Variants in NOTCH1 observed in about 807,000 individuals in gnomAD.
NOTCH1 encodes neurogenic locus notch homolog protein 1.
Under a neutral mutation model 254.8 loss-of-function variants are expected in NOTCH1, and 37 were observed. The observed-to-expected ratio is 0.15, with a 90% CI of 0.11 to 0.19. The LOEUF (loss-of-function observed/expected upper bound fraction) is 0.19, where lower values mean the gene tolerates loss of function less well. NOTCH1 is among the 10% of genes least tolerant of loss of function. The probability of loss-of-function intolerance (pLI) is 1.00; values close to 1 mark genes in which losing one functional copy is unlikely to be tolerated. For missense variants in NOTCH1, 2,972 were observed against 3,708.6 expected, an observed-to-expected ratio of 0.80 and a Z score of 5.16; for synonymous variants, 1,731 against 1,618.1, an observed-to-expected ratio of 1.07 and a Z score of -1.68.
rs1589059784 is a variant in NOTCH1, at chr9:136,506,791, A to G, written c.3826T>C (p.Cys1276Arg). Reference sequence around the variant, plus strand: ...CAGTTCTGGGTGCCACGGGCGTCGCAGGGATTGGACAGGCACTCGTTGACA... The same window carrying G: ...CAGTTCTGGGTGCCACGGGCGTCGCGGGGATTGGACAGGCACTCGTTGACA... ...GDVNECLSNP[C>R]DARGTQNCVQ... The change falls in exon 23 of 34, where the codon TGC (cysteine) becomes CGC (arginine). Residue 1276 changes from cysteine to arginine, a missense_variant. Cys to Arg is a radical substitution (Grantham distance 180, BLOSUM62 -3). Around this residue, in one of 8 missense-constraint regions of NOTCH1, gnomAD observed 1,343 missense variants for 1,557.0 expected, o/e 0.86. Transcript: ENST00000651671. This position sits in a 1 kb window ranked among gnomAD's most constrained non-coding sequence, Gnocchi z 4.5. The G allele has an allele frequency of 6.2e-7, 1 of 1,611,276 alleles. No homozygotes were observed. Among genetic ancestry groups the G allele is most frequent in the Non-Finnish European group, 8.5e-7 (1 of 1,179,284 alleles).
chr9:136,519,342 C>T lies in NOTCH1; in HGVS notation c.865+101G>A, dbSNP rs1350629353. The T allele has an allele frequency of 9.1e-6, 14 of 1,532,842 alleles. No homozygotes were observed. In the African/African-American group the frequency reaches 1.8e-4, roughly 19 times the overall value. 95.0% of individuals were successfully genotyped at this position (1,532,842 alleles called of 1,614,324 possible). A position where few individuals can be genotyped will look rare whatever the true frequency, so the allele number is the denominator to read the frequency against. On this transcript the variant is annotated intron_variant, in intron 5 of 33. Coordinates refer to ENST00000651671, the MANE Select transcript of NOTCH1 (RefSeq NM_017617.5). ...CAACCCTAGTCTGCCTGGCCTGGGA[C>T]AGGGTCTCGGCTGCTCCCCGCTATG...
chr9:136,502,519 C>T (rs374937918), intron 27 of NOTCH1, 31 bp from the exon 28 acceptor site: 240 of 1,437,582 alleles, frequency 1.7e-4, no homozygotes, highest in Non-Finnish European at 2.1e-4. Flanking sequence ...GGCAGGTGCC[C>T]GGACATCAGG....
At chr9:136,537,672 T>C (rs1173499407) in intron 2 of NOTCH1, among the ~76,000 whole-genome samples, 1 of 152,230 alleles carries the variant, frequency 6.6e-6, no homozygotes, top group Non-Finnish European at 1.5e-5. Context: ...GGTGCACACC[T>C]GTGGTCCCAG....
rs556900018 is a variant in NOTCH1 at position 136,494,632 on chromosome 9, G to A, written c.*1439C>T. The A allele has an allele frequency of 2.5e-5, 10 of 398,836 alleles. No individual in the cohort carries two copies. Among genetic ancestry groups the A allele is most frequent in the South Asian group, 1.3e-4 (1 of 7,856 alleles). 24.7% of individuals were successfully genotyped at this position (398,836 alleles called of 1,614,324 possible). On this transcript the variant is annotated 3_prime_UTR_variant, in exon 34 of 34. Coordinates refer to ENST00000651671, the MANE Select transcript of NOTCH1 (RefSeq NM_017617.5). ...ATGCCCCCTGGGGATGGCACCACGC[G>A]GCCCCCGTAGAGCCGGGGGAGGCTG...
chr9:136,499,577 T>C (rs1273882794), intron 31 of NOTCH1, among the ~76,000 whole-genome samples: 2 of 152,226 alleles, frequency 1.3e-5, no homozygotes, highest in African/African-American at 2.4e-5. Flanking sequence ...GTCAAGTCCC[T>C]GCCCCCAACG....
chr9:136,545,710 G>T lies in NOTCH1; in HGVS notation c.61+16C>A. On this transcript the variant is annotated intron_variant, in intron 1 of 33. Coordinates refer to ENST00000651671, the MANE Select transcript of NOTCH1 (RefSeq NM_017617.5). This position sits in a 1 kb window ranked among gnomAD's most constrained non-coding sequence, Gnocchi z 6.8. ...GGGCGCGGAAAGTGGGGGCTCGCGG[G>T]TGGGTGGGCGCCTACCTCGTGCGGC... 1.4e-6 allele frequency: 2 copies of T among 1,440,610 alleles called. No individual in the cohort carries two copies. Among genetic ancestry groups the T allele is most frequent in the Non-Finnish European group, 1.8e-6 (2 of 1,102,368 alleles). The allele number at this position is 1,440,610 out of a possible 1,614,324, so 89.2% of individuals were successfully genotyped here.
At chr9:136,524,765 G>A (rs970542918) in intron 2 of NOTCH1, among the ~76,000 whole-genome samples, 1 of 151,384 alleles carries the variant, frequency 6.6e-6, no homozygotes, top group African/African-American at 2.4e-5. Flanking sequence ...AGCCTCCCGA[G>A]TAGCTGGGAC....
intron 2 of NOTCH1, among the ~76,000 whole-genome samples, chr9:136,527,286 T>C (rs977289921): frequency 6.6e-6 from 1 of 152,226 alleles, no homozygotes; most frequent in Non-Finnish European, 1.5e-5. Flanking sequence ...GCCTGCAGCA[T>C]GGCCATGGCC....
chr9:136,527,587 A>G (rs907698113), intron 2 of NOTCH1, among the ~76,000 whole-genome samples: 1 of 152,242 alleles, frequency 6.6e-6, no homozygotes, highest in African/African-American at 2.4e-5. Flanking sequence ...TGAGATAGGG[A>G]ACGCCAGTCT....
At chr9:136,502,138 C>T (rs766815215) in intron 28 of NOTCH1, 50 bp from the exon 29 acceptor site, 1 of 1,605,594 alleles carries the variant, frequency 6.2e-7, no homozygotes, top group Non-Finnish European at 8.5e-7. Flanking sequence ...CCCTAGGAAG[C>T]CCCCAGAGAC....
rs752861485 is a variant in NOTCH1 at position 136,504,915 on chromosome 9, G to A, written c.4776C>T (p.Phe1592=). ...GCAGCACGCGGCTGAGCTCCCGCAG[G>A]AAGTGGAAGGAGCTGTTGCGCAGCT... ...PEQLRNSSFH[F]LRELSRVLHT... Residue 1592 remains phenylalanine, a synonymous_variant, in exon 26 of 34, where the codon TTC becomes TTT. Transcript: ENST00000651671. 8.2e-6 allele frequency: 13 copies of A among 1,587,862 alleles called. No homozygotes were observed. In the East Asian group the frequency reaches 9.2e-5, roughly 11 times the overall value.
Position 136,502,106 on chromosome 9 carries a change from G to A in NOTCH1, c.5385-18C>T, listed in dbSNP as rs370602147. 95 of 1,612,358 alleles carry A rather than the reference G, an allele frequency of 5.9e-5. No individual in the cohort carries two copies. The East Asian group carries it at 1.3e-3, about 22-fold the overall frequency. The stretch of plus-strand genomic sequence containing the variant: ...TCAGGGGCCTGGGGGGTGAGGGGTC[G>A]AGAAGTGAGGCTGAGCGAGCTCCCT... On this transcript the variant is annotated intron_variant, in intron 28 of 33. Coordinates refer to ENST00000651671, the MANE Select transcript of NOTCH1 (RefSeq NM_017617.5).
intron 2 of NOTCH1, among the ~76,000 whole-genome samples, chr9:136,525,257 CA>C (rs1843440937): frequency 6.6e-6 from 1 of 152,164 alleles, no homozygotes; most frequent in Non-Finnish European, 1.5e-5. Flanking sequence ...CAAGGGGAGC[CA>C]GGGGAGGGGT....
intron 2 of NOTCH1, among the ~76,000 whole-genome samples, chr9:136,524,539 C>G (rs1188312825): frequency 6.6e-6 from 1 of 152,050 alleles, no homozygotes; most frequent in Non-Finnish European, 1.5e-5. Flanking sequence ...TGGGCAGTAA[C>G]AAAGGCCGTG....
rs1218875928 is a variant in NOTCH1 at position 136,509,916 on chromosome 9, G to T, written c.2786C>A (p.Ala929Asp). ...GAAGCCGGGCAGGCAGTCGCAGAAG[G>T]CCGTGTTGATGCCGTCTGTGCAGGA... is the stretch of plus-strand genomic sequence containing the variant. ...GGSCTDGINT[A>D]FCDCLPGFRG... Residue 929 changes from alanine (A) to aspartate (D), a missense_variant, in exon 18 of 34, where the codon GCC becomes GAC. By Grantham distance (126) the Ala-to-Asp change is moderately radical. This residue lies in a region of NOTCH1 where 1,343 missense variants were observed against 1,557.0 expected (regional missense o/e 0.86). Transcript: ENST00000651671. The T allele has an allele frequency of 6.2e-7, 1 of 1,613,266 alleles. No homozygotes were observed. Among genetic ancestry groups the T allele is most frequent in the Non-Finnish European group, 8.5e-7 (1 of 1,180,020 alleles).
chr9:136,520,663 G>A (rs1163592229), intron 4 of NOTCH1, among the ~76,000 whole-genome samples: 1 of 152,068 alleles, frequency 6.6e-6, no homozygotes, highest in Non-Finnish European at 1.5e-5. Flanking sequence ...GCTTTAGCCT[G>A]GGAGGTCAAG....
chr9:136,540,838 G>A lies in NOTCH1; in HGVS notation c.140+3186C>T, dbSNP rs915636589. 2.6e-4 allele frequency among the ~76,000 whole-genome samples: 39 copies of A among 152,106 alleles called. No individual in the cohort carries two copies. The highest frequency in any genetic ancestry group is 8.5e-4 in the African/African-American group (35 of 41,406). On this transcript the variant is annotated intron_variant, in intron 2 of 33. Transcript: ENST00000651671. This position sits in a 1 kb window ranked among gnomAD's most constrained non-coding sequence, Gnocchi z 4.4. ...CGCCCCGTGCCATTCTGACTCTGCC[G>A]TCAGCAGCCAACATCTTAGCTGCCC... is the stretch of plus-strand genomic sequence containing the variant.
At chr9:136,522,149 T>C (rs894137090) in intron 4 of NOTCH1, among the ~76,000 whole-genome samples, 1 of 152,078 alleles carries the variant, frequency 6.6e-6, no homozygotes, top group East Asian at 1.9e-4. Flanking sequence ...GGCTAATTTT[T>C]TGTATTTTTA....
At chr9:136,528,441 A>C (rs3124609) in intron 2 of NOTCH1, among the ~76,000 whole-genome samples, 1 of 2,320 alleles carries the variant, frequency 4.3e-4, no homozygotes, top group Non-Finnish European at 1.1e-3. Flanking sequence ...AGGGACGGTG[A>C]GGGGGGGATG....
Sources: gnomAD v4.1 joint callset for allele counts (sites outside exome capture counted in the v4.1 genomes callset) on GRCh38, gnomAD v4.1.1 for gene constraint, gnomAD v4.1.1 regional missense constraint, Gnocchi (gnomAD v3.1) non-coding constraint, MANE v1.5 for transcripts, NCBI Gene and HGNC (gene_info 2026-07-23, HGNC 2026-07-21) for gene names.